DPP10: variants seen among roughly 807,000 people sequenced by gnomAD.
DPP10 encodes dipeptidyl peptidase like 10, also known as inactive dipeptidyl peptidase 10.
Under a neutral mutation model 120.9 loss-of-function variants are expected in DPP10, and 33 were observed. The observed-to-expected ratio is 0.27, with a 90% CI of 0.21 to 0.37. The LOEUF (loss-of-function observed/expected upper bound fraction) is 0.37. DPP10 is among the 10% of genes least tolerant of loss of function. DPP10 has a pLI of 1.00. For synonymous variants in DPP10, 337 were observed against 326.1 expected (o/e 1.03, Z -0.36); for missense variants, 816 against 942.8 (o/e 0.87, Z 1.76).
chr2:114,878,280 T>C (rs934372398), intron 1 of DPP10, among the ~76,000 whole-genome samples: 4 of 152,098 alleles, frequency 2.6e-5, no homozygotes, highest in Non-Finnish European at 5.9e-5. Flanking sequence ...CTCATGTTTT[T>C]TAATAGATTC....
At chr2:115,654,556 A>G (rs2088113104) in intron 5 of DPP10, among the ~76,000 whole-genome samples, 1 of 151,958 alleles carries the variant, frequency 6.6e-6, no homozygotes, top group African/African-American at 2.4e-5. Context: ...CAAACAGAAC[A>G]GTCTGTAAAT....
chr2:115,445,466 T>C (rs1383121647), intron 3 of DPP10, among the ~76,000 whole-genome samples: 1 of 152,106 alleles, frequency 6.6e-6, no homozygotes, highest in Non-Finnish European at 1.5e-5. Flanking sequence ...GACAATGAAG[T>C]CCAGGCTGAG....
intron 1 of DPP10, among the ~76,000 whole-genome samples, chr2:115,304,727 A>G (rs1286481800): frequency 1.3e-5 from 2 of 152,100 alleles, no homozygotes; most frequent in Non-Finnish European, 2.9e-5. Context: ...CTTCCTTATG[A>G]AGAAAAGCAA....
intron 1 of DPP10, among the ~76,000 whole-genome samples, chr2:115,118,417 C>CT (rs916460363): frequency 1.3e-5 from 2 of 152,128 alleles, no homozygotes; most frequent in African/African-American, 4.8e-5. Flanking sequence ...ATTTTTAAAG[C>CT]TTTTTGTAAG....
intron 1 of DPP10, among the ~76,000 whole-genome samples, chr2:114,455,201 C>A (rs1045538679): frequency 1.4e-5 from 2 of 144,170 alleles, no homozygotes; most frequent in Non-Finnish European, 3.0e-5. Flanking sequence ...GGGGTGGTGG[C>A]ATATGTATTT....
chr2:115,059,685 G>GAAAAAAAAAA lies in DPP10; in HGVS notation c.61-249545_61-249536dup, dbSNP rs34515129. Among the ~76,000 whole-genome samples the GAAAAAAAAAA allele has an allele frequency of 4.3e-5, 5 of 116,304 alleles. 1 individual carries two copies. Among genetic ancestry groups the GAAAAAAAAAA allele is most frequent in the African/African-American group, 1.0e-4 (3 of 29,470 alleles). The allele number at this position is 116,304 out of a possible 152,430, so 76.3% of individuals were successfully genotyped here. A position where few individuals can be genotyped will look rare whatever the true frequency, so the allele number is the denominator to read the frequency against. On this transcript the variant is annotated intron_variant, in intron 1 of 25. Coordinates refer to ENST00000410059, the MANE Select transcript of DPP10 (RefSeq NM_020868.6). Reference sequence around the variant, plus strand: ...TTGGGAACATTAGTGACCTCAACAGGAAAAAAAAAAAAAAAAAAGCAAACG... The same window carrying GAAAAAAAAAA: ...TTGGGAACATTAGTGACCTCAACAGGAAAAAAAAAAAAAAAAAAAAAAAAAAAAGCAAACG...
intron 1 of DPP10, among the ~76,000 whole-genome samples, chr2:114,509,077 G>A (rs1388132989): frequency 6.6e-6 from 1 of 152,004 alleles, no homozygotes; most frequent in Admixed American, 6.6e-5. Flanking sequence ...ATGAAATCCA[G>A]AAATAAGAGA....
At chr2:115,014,239 T>G (rs1702472243) in intron 1 of DPP10, among the ~76,000 whole-genome samples, 1 of 152,140 alleles carries the variant, frequency 6.6e-6, no homozygotes, top group African/African-American at 2.4e-5. Context: ...TGCTCCTGAA[T>G]GACTACTGGG....
chr2:115,104,849 T>C (rs1559100368), intron 1 of DPP10, among the ~76,000 whole-genome samples: 1 of 151,908 alleles, frequency 6.6e-6, no homozygotes, highest in Non-Finnish European at 1.5e-5. Context: ...GTACTAAAAA[T>C]ACAAAAATTA....
At chr2:114,679,754 C>T (rs1385970795) in intron 1 of DPP10, among the ~76,000 whole-genome samples, 1 of 151,894 alleles carries the variant, frequency 6.6e-6, no homozygotes, top group Admixed American at 6.6e-5. Context: ...TTAAATGTCA[C>T]CTTAGGGCTT....
chr2:115,356,262 C>A (rs564540125), intron 3 of DPP10, among the ~76,000 whole-genome samples: 4 of 152,114 alleles, frequency 2.6e-5, no homozygotes, highest in Admixed American at 1.3e-4. Flanking sequence ...CCTTGAGGAG[C>A]AACTTCACAT....
chr2:114,926,671 G>C (rs1160949617), intron 1 of DPP10, among the ~76,000 whole-genome samples: 1 of 152,080 alleles, frequency 6.6e-6, no homozygotes, highest in Non-Finnish European at 1.5e-5. Flanking sequence ...GTGTTCTCCT[G>C]CCTGGACCCT....
chr2:114,657,408 A>C (rs1373676381), intron 1 of DPP10, among the ~76,000 whole-genome samples: 1 of 152,162 alleles, frequency 6.6e-6, no homozygotes, highest in Non-Finnish European at 1.5e-5. Context: ...TGAGAATTTC[A>C]AATATTAACA....
chr2:115,323,014 T>C (rs964718512), intron 2 of DPP10, among the ~76,000 whole-genome samples: 1 of 152,190 alleles, frequency 6.6e-6, no homozygotes, highest in Non-Finnish European at 1.5e-5. Context: ...TGTGACAGTT[T>C]CTTAAAATAA....
At chr2:114,978,937 G>A (rs566287617) in intron 1 of DPP10, among the ~76,000 whole-genome samples, 9 of 152,134 alleles carry the variant, frequency 5.9e-5, no homozygotes, top group South Asian at 2.1e-4. Flanking sequence ...ATGCTGGACC[G>A]TATAATTCAG....
intron 1 of DPP10, among the ~76,000 whole-genome samples, chr2:114,903,419 G>A (rs529688269): frequency 1.5e-4 from 23 of 152,170 alleles, no homozygotes; most frequent in East Asian, 5.8e-4. Context: ...AAGAGAGCTC[G>A]TGTTGCTCTA....
intron 1 of DPP10, among the ~76,000 whole-genome samples, chr2:115,225,449 T>C (rs995569876): frequency 2.6e-5 from 4 of 151,876 alleles, no homozygotes; most frequent in African/African-American, 9.7e-5. Context: ...TTTTTTCTTA[T>C]TGAGTGCTTC....
intron 24 of DPP10, 111 bp downstream of exon 24, chr2:115,836,857 G>C: frequency 1.1e-6 from 1 of 911,598 alleles, no homozygotes; most frequent in East Asian, 2.5e-5. Flanking sequence ...GAAGGGAGCA[G>C]AGAGTCACAC....
At chr2:115,555,057 G>A (rs995151476) in intron 5 of DPP10, among the ~76,000 whole-genome samples, 1 of 152,090 alleles carries the variant, frequency 6.6e-6, no homozygotes, top group African/African-American at 2.4e-5. Flanking sequence ...AAACTAGAAA[G>A]GACATGACTA....
Sources: gnomAD v4.1 joint callset for allele counts (sites outside exome capture counted in the v4.1 genomes callset) on GRCh38, gnomAD v4.1.1 for gene constraint, MANE v1.5 for transcripts, NCBI Gene and HGNC (gene_info 2026-07-23, HGNC 2026-07-21) for gene names.